MAGI1: variants seen among roughly 807,000 people sequenced by gnomAD.
MAGI1 encodes the protein membrane-associated guanylate kinase, WW and PDZ domain-containing protein 1.
Under a neutral mutation model 139.9 loss-of-function variants are expected in MAGI1, and 58 were observed. The ratio of observed to expected loss-of-function variants is 0.41; its 90% CI spans 0.34 to 0.52. The LOEUF (loss-of-function observed/expected upper bound fraction) is 0.52. Among genes scored for constraint, MAGI1 ranks in the 20% least tolerant of loss-of-function variants. MAGI1 has a pLI of 0.12. For missense variants in MAGI1, 1,874 were observed against 1,901.6 expected, an observed-to-expected ratio of 0.99 and a Z score of 0.27; for synonymous variants, 812 against 737.9, an observed-to-expected ratio of 1.10 and a Z score of -1.63.
chr3:65,758,055 C>A (rs963993304), intron 1 of MAGI1, among the ~76,000 whole-genome samples: 5 of 152,300 alleles, frequency 3.3e-5, no homozygotes, highest in African/African-American at 7.2e-5. Flanking sequence ...TAAGGCACCT[C>A]AAATCCTAGG....
At chr3:65,856,166 C>T (rs2059373025) in intron 1 of MAGI1, among the ~76,000 whole-genome samples, 1 of 152,026 alleles carries the variant, frequency 6.6e-6, no homozygotes, top group Admixed American at 6.6e-5. Context: ...TTTAAATAGT[C>T]ACATATGGCT....
At position 65,546,012 on chromosome 3, in the gene MAGI1, A is replaced by T. The variant is rs560195668; in HGVS notation, c.431-52381T>A. 3.1e-3 allele frequency among the ~76,000 whole-genome samples: 453 copies of T among 146,042 alleles called. 7 individuals carry two copies. The highest frequency in any genetic ancestry group is 6.6e-3 in the East Asian group (33 of 5,014). The stretch of plus-strand genomic sequence containing the variant: ...CACACACGCACACACACACACACAC[A>T]CACTCTCAAACTACAAAAATAAATC... On this transcript the variant is annotated intron_variant, in intron 2 of 22. Coordinates refer to ENST00000402939, the MANE Select transcript of MAGI1 (RefSeq NM_001033057.2).
At chr3:66,009,738 C>T (rs2067224722) in intron 1 of MAGI1, among the ~76,000 whole-genome samples, 1 of 151,978 alleles carries the variant, frequency 6.6e-6, no homozygotes, top group Non-Finnish European at 1.5e-5. Flanking sequence ...GGTTCTCAAC[C>T]TGCCCTCATG....
chr3:65,608,095 T>C (rs538484523), intron 2 of MAGI1, among the ~76,000 whole-genome samples: 11 of 152,210 alleles, frequency 7.2e-5, no homozygotes, highest in African/African-American at 2.4e-4. Flanking sequence ...AGAATCAAAA[T>C]TTAAAACCCA....
At chr3:65,899,911 T>C (rs977958343) in intron 1 of MAGI1, among the ~76,000 whole-genome samples, 1 of 152,216 alleles carries the variant, frequency 6.6e-6, no homozygotes, top group South Asian at 2.1e-4. Context: ...AGTGCTAAGA[T>C]GGCATTGCAC....
Position 65,900,321 on chromosome 3 carries a change from C to A in MAGI1, c.313+137675G>T, listed in dbSNP as rs149064447. ...CTAACCAACCTTCAAGATAACTTCT[C>A]ACTCACTACAATGAACATGATGTGT... On this transcript the variant is annotated intron_variant, in intron 1 of 22. Coordinates refer to ENST00000402939, the MANE Select transcript of MAGI1 (RefSeq NM_001033057.2). Among the ~76,000 whole-genome samples the A allele has an allele frequency of 2.0e-3, 312 of 152,298 alleles. 11 individuals are homozygous for A. The East Asian group carries it at 0.049, about 24-fold the overall frequency.
rs554050964 is a variant in MAGI1 at position 65,375,783 on chromosome 3, G to A, written c.3158C>T (p.Ala1053Val). 69 of 1,613,772 alleles carry A rather than the reference G, an allele frequency of 4.3e-5. No individual in the cohort carries two copies. The highest frequency in any genetic ancestry group is 5.3e-5 in the African/African-American group (4 of 74,826). ...HSDIVNLIKE[A>V]GNTVTLRIIP... ...GATGCGGAGGGTAACTGTGTTTCCC[G>A]CTTCCTTGATTAGGTTCACAATGTC... is the stretch of plus-strand genomic sequence containing the variant. The change falls in exon 18 of 23, where the codon GCG (alanine) becomes GTG (valine). Residue 1053 changes from alanine to valine, a missense_variant. By Grantham distance (64) the Ala-to-Val change is moderately conservative. Around this residue, in one of 5 missense-constraint regions of MAGI1, gnomAD observed 653 missense variants for 644.5 expected, o/e 1.01. Coordinates refer to ENST00000402939, the MANE Select transcript of MAGI1 (RefSeq NM_001033057.2).
intron 1 of MAGI1, among the ~76,000 whole-genome samples, chr3:65,950,822 C>T (rs986626450): frequency 6.6e-6 from 1 of 152,150 alleles, no homozygotes; most frequent in Non-Finnish European, 1.5e-5. Context: ...TGAGGACCTA[C>T]TCAGGGACAG....
chr3:65,356,621 C>A lies in MAGI1; in HGVS notation c.4146G>T (p.Arg1382Ser), dbSNP rs1443484507. The change falls in exon 23 of 23, where the codon AGG becomes AGT. Residue 1382 changes from arginine (R) to serine (S), a missense_variant. By Grantham distance (110) the Arg-to-Ser change is moderately radical. Coordinates refer to ENST00000402939, the MANE Select transcript of MAGI1 (RefSeq NM_001033057.2). ...AGCCCCCTCTCCTGCGCTCGGGGGA[C>A]CTCCTCTGCTCCAGGAGTCTCTCCA... ...RSLERLLEQR[R>S]SPERRRGGSP... 11 of 1,592,794 alleles carry A rather than the reference C, an allele frequency of 6.9e-6. No homozygotes were observed. In the Admixed American group the frequency reaches 1.1e-4, roughly 16 times the overall value.
Position 65,565,770 on chromosome 3 carries a change from T to C in MAGI1, c.430+56202A>G, listed in dbSNP as rs139666974. Among the ~76,000 whole-genome samples, 118 of 150,724 alleles carry C rather than the reference T, an allele frequency of 7.8e-4. 1 individual carries two copies. The highest frequency in any genetic ancestry group is 2.5e-3 in the African/African-American group (103 of 40,954). On this transcript the variant is annotated intron_variant, in intron 2 of 22. Coordinates refer to ENST00000402939, the MANE Select transcript of MAGI1 (RefSeq NM_001033057.2). ...TACTCTGGAGGCTGAGGCAGGAGAA[T>C]TGCTTGAACCCAGGAGGCAGAGGCT...
intron 1 of MAGI1, among the ~76,000 whole-genome samples, chr3:65,889,658 A>G (rs770146586): frequency 3.3e-5 from 5 of 152,250 alleles, no homozygotes; most frequent in Admixed American, 6.5e-5. Flanking sequence ...AGGCCTTAAC[A>G]TAACAGTAAG....
chr3:65,468,620 G>T (rs1950338010), intron 5 of MAGI1, among the ~76,000 whole-genome samples: 1 of 152,050 alleles, frequency 6.6e-6, no homozygotes, highest in Admixed American at 6.6e-5. Flanking sequence ...CAGGTGATCT[G>T]CCTGCCTTGG....
intron 2 of MAGI1, among the ~76,000 whole-genome samples, chr3:65,608,676 C>A (rs756530460): frequency 2.0e-5 from 3 of 152,066 alleles, no homozygotes; most frequent in Non-Finnish European, 4.4e-5. Context: ...AACTCTTACA[C>A]GGTGTAGGTG....
intron 1 of MAGI1, among the ~76,000 whole-genome samples, chr3:66,035,891 A>G (rs2068890321): frequency 2.6e-5 from 4 of 152,288 alleles, no homozygotes; most frequent in Non-Finnish European, 1.5e-5. Context: ...GCCCTGGGAC[A>G]TCGCCTCCCA....
chr3:65,524,119 T>G (rs1381162982), intron 2 of MAGI1, among the ~76,000 whole-genome samples: 1 of 152,136 alleles, frequency 6.6e-6, no homozygotes, highest in African/African-American at 2.4e-5. Flanking sequence ...GAAGGAAGAA[T>G]GAAAAGTTGA....
chr3:65,361,498 A>G (rs924598118), intron 21 of MAGI1, among the ~76,000 whole-genome samples, 161 bp from the exon 22 acceptor site: 1 of 152,198 alleles, frequency 6.6e-6, no homozygotes, highest in African/African-American at 2.4e-5. Flanking sequence ...AAAGAGGGAA[A>G]GACAATTAAG....
At chr3:66,013,786 A>G (rs1394881240) in intron 1 of MAGI1, among the ~76,000 whole-genome samples, 4 of 151,922 alleles carry the variant, frequency 2.6e-5, no homozygotes, top group Non-Finnish European at 5.9e-5. Context: ...AGAAAGAAAG[A>G]AATGCAAACA....
At chr3:65,550,371 T>C (rs1019074101) in intron 2 of MAGI1, among the ~76,000 whole-genome samples, 2 of 152,116 alleles carry the variant, frequency 1.3e-5, no homozygotes, top group African/African-American at 2.4e-5. Flanking sequence ...CATGCTACTG[T>C]TTTTAGTAAA....
chr3:65,779,033 T>C (rs1311773587), intron 1 of MAGI1, among the ~76,000 whole-genome samples: 1 of 152,136 alleles, frequency 6.6e-6, no homozygotes, highest in Non-Finnish European at 1.5e-5. Context: ...AGACAATGAA[T>C]TATCCAGTCC....
Sources: allele counts gnomAD v4.1 joint callset (sites outside exome capture counted in the v4.1 genomes callset), GRCh38; gene constraint gnomAD v4.1.1; regional missense constraint gnomAD v4.1.1; transcripts MANE v1.5; gene names NCBI Gene and HGNC (gene_info 2026-07-23, HGNC 2026-07-21).